The following JARID2 variants were observed in gnomAD, a reference collection of about 807,000 sequenced individuals.
The protein encoded by JARID2 is protein Jumonji.
Under a neutral mutation model 125.6 loss-of-function variants are expected in JARID2, and 21 were observed. That is an observed-to-expected ratio of 0.17 (90% confidence interval 0.12 to 0.24). The LOEUF (loss-of-function observed/expected upper bound fraction) is 0.24, where lower values mean the gene tolerates loss of function less well. JARID2 is among the 10% of genes least tolerant of loss of function. JARID2 has a pLI of 1.00. For synonymous variants in JARID2, 736 were observed against 661.6 expected (o/e 1.11, Z -1.73); for missense variants, 1,303 against 1,639.6 (o/e 0.79, Z 3.55).
chr6:15,505,220 G>T (rs1463001352), intron 9 of JARID2: 1 of 152,192 alleles, frequency 6.6e-6, no homozygotes, highest in African/African-American at 2.4e-5. Context: ...GCTCTCAGCA[G>T]CGCTTGGTCG....
intron 1 of JARID2, among the ~76,000 whole-genome samples, chr6:15,280,204 A>G (rs1029730735): frequency 2.0e-5 from 3 of 151,096 alleles, no homozygotes; most frequent in African/African-American, 7.4e-5. Flanking sequence ...CAGTAGTAAT[A>G]AAAAAAAACT....
intron 1 of JARID2, among the ~76,000 whole-genome samples, chr6:15,258,058 A>T (rs1220660169): frequency 6.6e-6 from 1 of 152,204 alleles, no homozygotes; most frequent in Admixed American, 6.5e-5. Flanking sequence ...TTAAGTAATA[A>T]AGATGACCCC....
At chr6:15,454,897 A>G (rs1376018567) in intron 4 of JARID2, among the ~76,000 whole-genome samples, 1 of 152,216 alleles carries the variant, frequency 6.6e-6, no homozygotes, top group East Asian at 1.9e-4. Flanking sequence ...TTGGCTGTAT[A>G]TAGAGAGAAG....
intron 1 of JARID2, among the ~76,000 whole-genome samples, chr6:15,334,102 C>T (rs758710784): frequency 2.6e-5 from 4 of 152,188 alleles, no homozygotes; most frequent in Non-Finnish European, 5.9e-5. Flanking sequence ...TAAGTCTGTA[C>T]GGTTGTGCAA....
At chr6:15,248,858 C>T (rs930001574) in intron 1 of JARID2, 3 of 841,354 alleles carry the variant, frequency 3.6e-6, no homozygotes, top group Non-Finnish European at 4.3e-6. Flanking sequence ...GGGAGCTGGG[C>T]GGGGGCGGGG....
Position 15,348,524 on chromosome 6 carries a change from T to C in JARID2, c.46-25593T>C, listed in dbSNP as rs528688475. ...GGCTGGGACTGGTTCAGAGTCTTCA[T>C]AAGCTCATAGAAATGCTTTAAAGTT... On this transcript the variant is annotated intron_variant, in intron 1 of 17. Transcript: ENST00000341776. Among the ~76,000 whole-genome samples the C allele has an allele frequency of 8.5e-5, 13 of 152,366 alleles. No individual in the cohort carries two copies. In the South Asian group the frequency reaches 2.5e-3, roughly 29 times the overall value.
chr6:15,510,384 C>T (rs942477592), intron 12 of JARID2, among the ~76,000 whole-genome samples: 5 of 152,160 alleles, frequency 3.3e-5, no homozygotes, highest in Admixed American at 6.5e-5. Flanking sequence ...ACACCAGGGG[C>T]GTCACACGTT....
intron 1 of JARID2, among the ~76,000 whole-genome samples, chr6:15,371,729 C>G (rs149505804): frequency 6.6e-6 from 1 of 152,166 alleles, no homozygotes; most frequent in Non-Finnish European, 1.5e-5. Context: ...GTGACCTACA[C>G]GCAGTAGCAG....
chr6:15,333,509 C>T (rs899683390), intron 1 of JARID2, among the ~76,000 whole-genome samples: 1 of 152,060 alleles, frequency 6.6e-6, no homozygotes, highest in East Asian at 1.9e-4. Context: ...CTCCATGTTC[C>T]GTGAATCAGT....
chr6:15,341,808 G>A (rs887587553), intron 1 of JARID2, among the ~76,000 whole-genome samples: 8 of 152,148 alleles, frequency 5.3e-5, no homozygotes, highest in African/African-American at 1.9e-4. Flanking sequence ...TTAAACAAAT[G>A]AAATGACATA....
chr6:15,451,959 C>T (rs776546998), intron 3 of JARID2, 47 bp from the exon 4 acceptor site: 15 of 1,589,194 alleles, frequency 9.4e-6, no homozygotes, highest in Non-Finnish European at 1.2e-5. Context: ...GGCCTATATC[C>T]TCCAGTCTCT....
intron 8 of JARID2, 113 bp downstream of exon 8, chr6:15,501,522 T>TGACG: frequency 9.4e-7 from 1 of 1,058,836 alleles, no homozygotes; most frequent in Non-Finnish European, 1.3e-6. Context: ...CCTGGGGTGA[T>TGACG]GAGGGGGCGG....
chr6:15,280,319 GTTGAGAAATT>G (rs1462546743), intron 1 of JARID2, among the ~76,000 whole-genome samples: 1 of 152,126 alleles, frequency 6.6e-6, no homozygotes, highest in East Asian at 1.9e-4. Context: ...GCAGGGCCAA[GTTGAGAAATT>G]AGTTTCTCGG....
intron 9 of JARID2, 50 bp downstream of exon 9, chr6:15,504,642 G>C (rs760380803): frequency 7.9e-7 from 1 of 1,262,390 alleles, no homozygotes; most frequent in Non-Finnish European, 1.2e-6. Context: ...GGAACCCCTC[G>C]GCGAGCTGGA....
At chr6:15,388,572 TTATAA>T (rs1176965119) in intron 2 of JARID2, among the ~76,000 whole-genome samples, 1 of 128,122 alleles carries the variant, frequency 7.8e-6, no homozygotes, top group Non-Finnish European at 1.7e-5. Context: ...ATGAGCTATT[TTATAA>T]TATATTATAA....
intron 1 of JARID2, among the ~76,000 whole-genome samples, chr6:15,370,330 G>GTTT (rs33981169): frequency 8.8e-6 from 1 of 114,250 alleles, no homozygotes; most frequent in Non-Finnish European, 1.8e-5. Context: ...TATCTGGGCT[G>GTTT]TTTTTTTTTT....
intron 3 of JARID2, among the ~76,000 whole-genome samples, chr6:15,415,519 C>T (rs867787994): frequency 1.6e-4 from 21 of 129,600 alleles, no homozygotes; most frequent in Middle Eastern, 8.6e-3. Context: ...TAGGGGCTGC[C>T]GGGCAGAGGC....
At chr6:15,511,197 T>TA (rs1179546699) in intron 12 of JARID2, 99 bp from the exon 13 acceptor site, 79 of 529,068 alleles carry the variant, frequency 1.5e-4, no homozygotes, top group Non-Finnish European at 2.5e-5. Flanking sequence ...GCAGAGCCTC[T>TA]CGTGTGCTCG....
chr6:15,285,286 T>C (rs1399036780), intron 1 of JARID2, among the ~76,000 whole-genome samples: 1 of 151,942 alleles, frequency 6.6e-6, no homozygotes, highest in Non-Finnish European at 1.5e-5. Flanking sequence ...AATTTTTGTA[T>C]TTTTTGTTTG....
Sources: allele counts gnomAD v4.1 joint callset (sites outside exome capture counted in the v4.1 genomes callset), GRCh38; gene constraint gnomAD v4.1.1; transcripts MANE v1.5; gene names NCBI Gene and HGNC (gene_info 2026-07-23, HGNC 2026-07-21).